The following OR51B5 variants were observed in gnomAD, a reference collection of about 807,000 sequenced individuals.
The protein encoded by OR51B5 is olfactory receptor family 51 subfamily B member 5.
For synonymous variants in OR51B5, 186 were observed against 144.8 expected (o/e 1.28, Z -2.04); for missense variants, 456 against 374.6 (o/e 1.22, Z -1.79).
At chr11:5,419,797 G>A (rs1420888557) in intron 1 of OR51B5, among the ~76,000 whole-genome samples, 1 of 151,848 alleles carries the variant, frequency 6.6e-6, no homozygotes, top group South Asian at 2.1e-4. Flanking sequence ...TATACAATGG[G>A]CATGATAATA....
intron 1 of OR51B5, chr11:5,441,136 CCA>C: frequency 6.2e-7 from 1 of 1,613,938 alleles, no homozygotes; most frequent in Non-Finnish European, 8.5e-7. Flanking sequence ...TAACAAATAG[CCA>C]CAAAGCGATC....
intron 1 of OR51B5, among the ~76,000 whole-genome samples, chr11:5,447,777 T>C (rs1850789340): frequency 1.4e-5 from 1 of 73,500 alleles, no homozygotes; most frequent in Non-Finnish European, 4.1e-5. Context: ...TTCACCCAAG[T>C]ACTAGTGGTT....
At chr11:5,485,253 A>G (rs912188695) in intron 1 of OR51B5, among the ~76,000 whole-genome samples, 2 of 152,218 alleles carry the variant, frequency 1.3e-5, no homozygotes, top group Non-Finnish European at 2.9e-5. Context: ...TGACATAAAA[A>G]TAACCTTCCT....
At chr11:5,436,967 C>A (rs1025192937) in intron 1 of OR51B5, among the ~76,000 whole-genome samples, 1 of 152,088 alleles carries the variant, frequency 6.6e-6, no homozygotes, top group Non-Finnish European at 1.5e-5. Context: ...TGCCTTTATG[C>A]CTCTGCGGAA....
intron 1 of OR51B5, among the ~76,000 whole-genome samples, chr11:5,381,878 A>G (rs12364299): frequency 6.6e-6 from 1 of 152,228 alleles, no homozygotes; most frequent in Non-Finnish European, 1.5e-5. Flanking sequence ...ATGTTAGTTT[A>G]AAAAAGTAAG....
chr11:5,374,708 C>A (rs564596366), intron 1 of OR51B5, among the ~76,000 whole-genome samples: 2 of 151,822 alleles, frequency 1.3e-5, no homozygotes, highest in Admixed American at 6.6e-5. Flanking sequence ...GGAGCTGATG[C>A]GATCAACTGG....
At chr11:5,364,908 T>C (rs2133701441) in intron 1 of OR51B5, among the ~76,000 whole-genome samples, 1 of 152,352 alleles carries the variant, frequency 6.6e-6, no homozygotes, top group South Asian at 2.1e-4. Context: ...AAATAATTTT[T>C]AATCATTGTA....
chr11:5,460,229 G>A (rs918023453), intron 1 of OR51B5, among the ~76,000 whole-genome samples: 2 of 152,098 alleles, frequency 1.3e-5, no homozygotes, highest in Non-Finnish European at 2.9e-5. Flanking sequence ...ACAGATACTG[G>A]GGCCTACTGG....
intron 1 of OR51B5, among the ~76,000 whole-genome samples, chr11:5,473,117 C>A (rs1564825098): frequency 6.6e-6 from 1 of 152,126 alleles, no homozygotes; most frequent in Non-Finnish European, 1.5e-5. Context: ...TAAAATGATA[C>A]ACAAATTCCT....
chr11:5,469,353 C>T (rs1851189983), intron 1 of OR51B5: 1 of 152,736 alleles, frequency 6.5e-6, no homozygotes, highest in African/African-American at 2.4e-5. Context: ...TGCTCCAGAC[C>T]CTTCATCTCA....
At chr11:5,423,147 C>A in intron 1 of OR51B5, 1 of 1,590,068 alleles carries the variant, frequency 6.3e-7, no homozygotes, top group South Asian at 1.1e-5. Flanking sequence ...AATATGCATT[C>A]AAGATGAGGG....
intron 1 of OR51B5, chr11:5,390,040 G>A (rs757034943): frequency 1.2e-6 from 2 of 1,613,590 alleles, no homozygotes; most frequent in African/African-American, 1.3e-5. Context: ...GACTGATGGT[G>A]GTAGTTTTCA....
intron 1 of OR51B5, chr11:5,389,256 G>C (rs981857431): frequency 2.3e-5 from 19 of 812,306 alleles, no homozygotes; most frequent in South Asian, 1.2e-4. Context: ...AAAGTAGTGA[G>C]ATTGGCAGAA....
At chr11:5,432,452 G>C (rs879816567) in intron 1 of OR51B5, among the ~76,000 whole-genome samples, 1 of 152,146 alleles carries the variant, frequency 6.6e-6, no homozygotes, top group Non-Finnish European at 1.5e-5. Flanking sequence ...GGCTTGGTTT[G>C]AGTTTTAACT....
At chr11:5,348,912 G>T (rs1313165748) in intron 1 of OR51B5, among the ~76,000 whole-genome samples, 1 of 152,110 alleles carries the variant, frequency 6.6e-6, no homozygotes, top group African/African-American at 2.4e-5. Context: ...GATACTAAGT[G>T]CTTGAGACAG....
chr11:5,421,978 G>A (rs565629070), intron 1 of OR51B5: 36 of 497,038 alleles, frequency 7.2e-5, no homozygotes, highest in East Asian at 1.6e-4. Context: ...TATATATTCC[G>A]TCATCAAGGG....
chr11:5,421,334 G>A (rs1354093840), intron 1 of OR51B5, among the ~76,000 whole-genome samples: 5 of 152,214 alleles, frequency 3.3e-5, no homozygotes, highest in Admixed American at 2.0e-4. Flanking sequence ...ATGGTGACGA[G>A]GGTACCTCCA....
intron 1 of OR51B5, among the ~76,000 whole-genome samples, chr11:5,475,975 G>C (rs1851299999): frequency 6.6e-6 from 1 of 152,164 alleles, no homozygotes; most frequent in Non-Finnish European, 1.5e-5. Flanking sequence ...CTGGAGGCTT[G>C]ATTCTTTTTA....
chr11:5,464,888 T>C (rs1458551803), intron 1 of OR51B5, among the ~76,000 whole-genome samples: 2 of 152,184 alleles, frequency 1.3e-5, no homozygotes, highest in Non-Finnish European at 2.9e-5. Flanking sequence ...GTTGAACTAG[T>C]TTACAGTCCC....
Sources: gnomAD v4.1 joint callset for allele counts (sites outside exome capture counted in the v4.1 genomes callset) on GRCh38, gnomAD v4.1.1 for gene constraint, MANE v1.5 for transcripts, NCBI Gene and HGNC (gene_info 2026-07-23, HGNC 2026-07-21) for gene names.